Variants in KRT23 observed in about 807,000 individuals in gnomAD.
KRT23 encodes keratin 23, also known as keratin, type I cytoskeletal 23.
Under a neutral mutation model 47.6 loss-of-function variants are expected in KRT23, and 38 were observed. That is an observed-to-expected ratio of 0.80 (90% confidence interval 0.62 to 1.05). The LOEUF is 1.05. Among genes scored for constraint, KRT23 ranks in the 50% least tolerant of loss-of-function variants. KRT23 has a pLI of 0.00. For missense variants in KRT23, 503 were observed against 529.5 expected (o/e 0.95, Z 0.49); for synonymous variants, 191 against 199.0 (o/e 0.96, Z 0.34).
intron 2 of KRT23, among the ~76,000 whole-genome samples, chr17:40,934,431 T>C (rs543438989): frequency 9.2e-5 from 14 of 152,142 alleles, no homozygotes; most frequent in Non-Finnish European, 1.8e-4. Context: ...ACACCCCCCA[T>C]TGCACCTACT....
chr17:40,928,403 A>G (rs1451600240), intron 5 of KRT23, 43 bp from the exon 6 acceptor site: 1 of 1,614,010 alleles, frequency 6.2e-7, no homozygotes, highest in Non-Finnish European at 8.5e-7. Context: ...TTGGGACCTC[A>G]TGGAAATGCA....
chr17:40,936,671 C>G lies in KRT23; in HGVS notation c.-68G>C, dbSNP rs1597889337. 40 of 1,416,874 alleles carry G rather than the reference C, an allele frequency of 2.8e-5. No individual in the cohort carries two copies. The East Asian group carries it at 9.8e-4, about 35-fold the overall frequency. 87.8% of individuals were successfully genotyped at this position (1,416,874 alleles called of 1,614,324 possible). ...CCCTGGCACCGCAGAACTGAGCCGC[C>G]CCAGACTGCCCTGGATGGTTTTATG... On this transcript the variant is annotated 5_prime_UTR_variant, in exon 2 of 9. Transcript: ENST00000209718.
intron 8 of KRT23, 52 bp from the exon 9 acceptor site, chr17:40,923,135 A>T: frequency 1.5e-6 from 2 of 1,347,892 alleles, no homozygotes; most frequent in Non-Finnish European, 2.1e-6. Context: ...CCACCATCTG[A>T]ACTGTACTCA....
rs976211417 is a variant in KRT23, at chr17:40,929,837, G to T, written c.636+103C>A. ...AGACTATTTAGGGTGAAGGACAAGG[G>T]GATTGGCATCCAGGTGGTGGTTTCT... On this transcript the variant is annotated intron_variant, in intron 4 of 8. Coordinates refer to ENST00000209718, the MANE Select transcript of KRT23 (RefSeq NM_015515.5). The T allele has an allele frequency of 3.8e-5, 36 of 941,090 alleles. 2 individuals carry two copies. The highest frequency in any genetic ancestry group is 3.1e-4 in the South Asian group (16 of 51,082). 58.3% of individuals were successfully genotyped at this position (941,090 alleles called of 1,614,324 possible).
At chr17:40,937,124 C>T (rs8070427) in intron 1 of KRT23, 171 bp from the exon 2 acceptor site, 42,221 of 152,246 alleles carry the variant, frequency 0.28, 5,890 homozygotes, top group East Asian at 0.36. Context: ...CCAATAAGCC[C>T]CACCTCTAAA....
At chr17:40,935,111 G>GTTT (rs61234380) in intron 2 of KRT23, among the ~76,000 whole-genome samples, 2,431 of 137,172 alleles carry the variant, frequency 0.018, 55 homozygotes, top group East Asian at 0.069. Context: ...GAGTCACCTT[G>GTTT]TTTTTTTTTT....
At position 40,923,095 on chromosome 17, in the gene KRT23, A is replaced by G. The variant is rs746308413; in HGVS notation, c.1175-12T>C. 6.3e-7 allele frequency: 1 copy of G among 1,582,602 alleles called. No individual in the cohort carries two copies. The highest frequency in any genetic ancestry group is 1.7e-5 in the Admixed American group (1 of 59,954). ...TGGAGTTGCAGACACTGAGAAAAAG[A>G]GCATGGAAGATGTCACTGCCATGCT... On this transcript the variant is annotated splice_polypyrimidine_tract_variant and intron_variant, in intron 8 of 8. Transcript: ENST00000209718.
chr17:40,924,182 C>T (rs1909087242), intron 8 of KRT23, among the ~76,000 whole-genome samples: 1 of 152,156 alleles, frequency 6.6e-6, no homozygotes, highest in Non-Finnish European at 1.5e-5. Flanking sequence ...GAAATCATTG[C>T]CTCTTAGTTT....
Position 40,936,928 on chromosome 17 carries a change from G to A in KRT23, c.-325C>T, listed in dbSNP as rs1910125694. ...GCTCAGGTATCTTTCTAATCTTGCCGTGAAGTTTTTCCATTGTTCATTTAC... is the reference window on the plus strand; with the variant it reads ...GCTCAGGTATCTTTCTAATCTTGCCATGAAGTTTTTCCATTGTTCATTTAC... On this transcript the variant is annotated 5_prime_UTR_variant, in exon 2 of 9. It adds an upstream start codon to the 5' untranslated region. Transcript: ENST00000209718. The A allele has an allele frequency of 6.5e-6, 2 of 308,540 alleles. No individual in the cohort carries two copies. The highest frequency in any genetic ancestry group is 5.9e-6 in the Non-Finnish European group (1 of 169,438). 19.1% of individuals were successfully genotyped at this position (308,540 alleles called of 1,614,324 possible). A position where few individuals can be genotyped will look rare whatever the true frequency, so the allele number is the denominator to read the frequency against.
At chr17:40,932,425 T>A (rs909366295) in intron 2 of KRT23, among the ~76,000 whole-genome samples, 17 of 152,332 alleles carry the variant, frequency 1.1e-4, no homozygotes, top group Middle Eastern at 3.4e-3. Context: ...GGGTAGAAGA[T>A]GTCTCGTTGT....
chr17:40,936,620 G>C lies in KRT23; in HGVS notation c.-17C>G. On this transcript the variant is annotated 5_prime_UTR_variant, in exon 2 of 9. Transcript: ENST00000209718. ...GGAGTTCATGGTCCCATCTGTGTTT[G>C]GGACGGGGCTGAGCTCTGCTCCACT... The C allele has an allele frequency of 2.0e-6, 3 of 1,507,824 alleles. No homozygotes were observed. The highest frequency in any genetic ancestry group is 2.7e-6 in the Non-Finnish European group (3 of 1,130,658). 93.4% of individuals were successfully genotyped at this position (1,507,824 alleles called of 1,614,324 possible).
At position 40,922,956 on chromosome 17, in the gene KRT23, A is replaced by C. The variant is rs781250693; in HGVS notation, c.*33T>G. On this transcript the variant is annotated 3_prime_UTR_variant, in exon 9 of 9. Coordinates refer to ENST00000209718, the MANE Select transcript of KRT23 (RefSeq NM_015515.5). ...GCAAGGACTTTCCTTGGGGGAAAATAGATTTTACAACAGGCGGAAACTTTC... is the reference window on the plus strand; with the variant it reads ...GCAAGGACTTTCCTTGGGGGAAAATCGATTTTACAACAGGCGGAAACTTTC... The C allele has an allele frequency of 2.0e-6, 3 of 1,512,174 alleles. No homozygotes were observed. Among genetic ancestry groups the C allele is most frequent in the Non-Finnish European group, 2.8e-6 (3 of 1,087,252 alleles). The allele number at this position is 1,512,174 out of a possible 1,614,324, so 93.7% of individuals were successfully genotyped here. A position where few individuals can be genotyped will look rare whatever the true frequency, so the allele number is the denominator to read the frequency against.
rs1910118424 is a variant in KRT23, at chr17:40,936,836, GAC to G, written c.-235_-234del. The G allele has an allele frequency of 2.5e-6, 1 of 405,160 alleles. No individual in the cohort carries two copies. The highest frequency in any genetic ancestry group is 1.3e-4 in the South Asian group (1 of 7,908). The allele number at this position is 405,160 out of a possible 1,614,324, so 25.1% of individuals were successfully genotyped here. ...TTGTTGTTTAGAGCCACATCAATATGACAGTTTGCTTCCTCCCTTCCCCTGGT... is the reference window on the plus strand; with the variant it reads ...TTGTTGTTTAGAGCCACATCAATATGAGTTTGCTTCCTCCCTTCCCCTGGT... On this transcript the variant is annotated 5_prime_UTR_variant, in exon 2 of 9. An upstream open reading frame in the 5' UTR loses its in-frame stop. Coordinates refer to ENST00000209718, the MANE Select transcript of KRT23 (RefSeq NM_015515.5).
chr17:40,928,151 T>C (rs1473196255), intron 6 of KRT23, 87 bp downstream of exon 6: 2 of 1,532,064 alleles, frequency 1.3e-6, no homozygotes, highest in Non-Finnish European at 1.8e-6. Context: ...CCCAAGGGAG[T>C]TGAGGGTCAG....
chr17:40,936,234 C>T lies in KRT23; in HGVS notation c.370G>A (p.Glu124Lys), dbSNP rs1237958319. Residue 124 changes from glutamate to lysine, a missense_variant, in exon 2 of 9, where the codon GAA (glutamate) becomes AAA (lysine). By Grantham distance (56) the Glu-to-Lys change is moderately conservative. Transcript: ENST00000209718. ...GSKKDYSQYE[E>K]NITHLQEQIV... ...TGCTCCTGCAGGTGTGTGATGTTTTCCTCATACTGGGAATAATCTTTCTTA... is the reference window on the plus strand; with the variant it reads ...TGCTCCTGCAGGTGTGTGATGTTTTTCTCATACTGGGAATAATCTTTCTTA... The T allele has an allele frequency of 1.2e-6, 2 of 1,614,174 alleles. No individual in the cohort carries two copies. Among genetic ancestry groups the T allele is most frequent in the Non-Finnish European group, 1.7e-6 (2 of 1,180,034 alleles).
intron 2 of KRT23, among the ~76,000 whole-genome samples, chr17:40,934,150 C>G (rs1293414602): frequency 6.6e-6 from 1 of 152,098 alleles, no homozygotes; most frequent in Non-Finnish European, 1.5e-5. Context: ...AGAACTGTAT[C>G]CACTCAGAGC....
At chr17:40,923,840 A>C (rs1459765271) in intron 8 of KRT23, among the ~76,000 whole-genome samples, 2 of 152,240 alleles carry the variant, frequency 1.3e-5, no homozygotes, top group Non-Finnish European at 1.5e-5. Context: ...AGAAAGTGCC[A>C]CTTGTCCCAG....
rs1305074136 is a variant in KRT23 at position 40,936,588 on chromosome 17, T to A, written c.16A>T (p.Ser6Cys). 6.6e-7 allele frequency: 1 copy of A among 1,516,742 alleles called. No homozygotes were observed. The highest frequency in any genetic ancestry group is 8.8e-7 in the Non-Finnish European group (1 of 1,135,396). 94.0% of individuals were successfully genotyped at this position (1,516,742 alleles called of 1,614,324 possible). Residue 6 changes from serine to cysteine, a missense_variant, in exon 2 of 9, where the codon AGC becomes TGC. Coordinates refer to ENST00000209718, the MANE Select transcript of KRT23 (RefSeq NM_015515.5). MNSGH[S>C]FSQTPSASFH... The stretch of plus-strand genomic sequence containing the variant: ...GAGGCCGAGGGGGTCTGGCTGAAGC[T>A]GTGTCCGGAGTTCATGGTCCCATCT...
rs759295372 is a variant in KRT23 at position 40,928,450 on chromosome 17, T to G, written c.794A>C (p.Glu265Ala). ...KHRDLDTWYKEQSAAMSQEAA... is the reference protein window; with the variant it reads ...KHRDLDTWYKAQSAAMSQEAA... ...GTTTGTGCATCTTTCTTTTACCTGT[T>G]CTTTATACCAAGTGTCCAAGTCTCG... The change falls in exon 5 of 9, where the codon GAA becomes GCA. Residue 265 changes from glutamate to alanine, a missense_variant. By Grantham distance (107) the Glu-to-Ala change is moderately radical. Coordinates refer to ENST00000209718, the MANE Select transcript of KRT23 (RefSeq NM_015515.5). 1.9e-6 allele frequency: 3 copies of G among 1,614,102 alleles called. No homozygotes were observed. The African/African-American group carries it at 4.0e-5, about 22-fold the overall frequency.
Sources: allele counts gnomAD v4.1 joint callset (sites outside exome capture counted in the v4.1 genomes callset), GRCh38; gene constraint gnomAD v4.1.1; transcripts MANE v1.5; gene names NCBI Gene and HGNC (gene_info 2026-07-23, HGNC 2026-07-21).